MED26: variants seen among roughly 807,000 people sequenced by gnomAD.
The protein encoded by MED26 is mediator of RNA polymerase II transcription subunit 26.
Under a neutral mutation model 43.7 loss-of-function variants are expected in MED26, and 7 were observed. That is an observed-to-expected ratio of 0.16 (90% CI 0.09 to 0.30). The LOEUF is 0.30. Among genes scored for constraint, MED26 ranks in the 10% least tolerant of loss-of-function variants. The pLI is 1.00. For missense variants in MED26, 784 were observed against 840.6 expected, an observed-to-expected ratio of 0.93 and a Z score of 0.83; for synonymous variants, 375 against 371.1, an observed-to-expected ratio of 1.01 and a Z score of -0.12.
At chr19:16,617,766 C>G (rs1464857657) in intron 1 of MED26, among the ~76,000 whole-genome samples, 1 of 152,030 alleles carries the variant, frequency 6.6e-6, no homozygotes, top group Non-Finnish European at 1.5e-5. Context: ...TTCAGAGGCC[C>G]ACAAGTTCAG....
chr19:16,600,062 C>T (rs2086141269), intron 1 of MED26, among the ~76,000 whole-genome samples: 1 of 152,188 alleles, frequency 6.6e-6, no homozygotes, highest in African/African-American at 2.4e-5. Context: ...AGAGGGGGGA[C>T]AGGCAGTCAA....
At chr19:16,584,908 C>T (rs917583317) in intron 1 of MED26, among the ~76,000 whole-genome samples, 3 of 152,210 alleles carry the variant, frequency 2.0e-5, no homozygotes, top group Non-Finnish European at 4.4e-5. Flanking sequence ...GGACTGGCAG[C>T]CATCTAAAGG....
At chr19:16,585,714 G>C (rs1488642055) in intron 1 of MED26, among the ~76,000 whole-genome samples, 1 of 152,248 alleles carries the variant, frequency 6.6e-6, no homozygotes, top group Non-Finnish European at 1.5e-5. Context: ...GAGTCCGGAA[G>C]ACTAGACTCT....
At chr19:16,579,599 A>G (rs2086034084) in intron 1 of MED26, among the ~76,000 whole-genome samples, 1 of 151,906 alleles carries the variant, frequency 6.6e-6, no homozygotes, top group East Asian at 1.9e-4. Flanking sequence ...AATTCCTACC[A>G]CTCAACCACC....
chr19:16,620,042 T>G (rs1323199098), intron 1 of MED26, among the ~76,000 whole-genome samples: 7 of 152,076 alleles, frequency 4.6e-5, no homozygotes, highest in Non-Finnish European at 1.0e-4. Context: ...AGCGCCGCCT[T>G]CTCTATTAGG....
rs1159078820 is a variant in MED26 at position 16,582,289 on chromosome 19, A to G, written c.73-3880T>C. Among the ~76,000 whole-genome samples the G allele has an allele frequency of 4.0e-5, 6 of 150,466 alleles. No homozygotes were observed. In the East Asian group the frequency reaches 1.2e-3, roughly 29 times the overall value. On this transcript the variant is annotated intron_variant, in intron 1 of 2. Coordinates refer to ENST00000263390, the MANE Select transcript of MED26 (RefSeq NM_004831.5). ...GTCTGAACACTGTGTGGGGAGCACC[A>G]CCTGGGCATCCAGACACAGGCCTCC...
intron 1 of MED26, among the ~76,000 whole-genome samples, chr19:16,627,320 T>C (rs2086283495): frequency 6.6e-6 from 1 of 151,936 alleles, no homozygotes; most frequent in South Asian, 2.1e-4. Flanking sequence ...CCACGTACCC[T>C]AGGTACCCGG....
intron 1 of MED26, among the ~76,000 whole-genome samples, chr19:16,594,947 C>T (rs1001410620): frequency 1.3e-5 from 2 of 152,196 alleles, no homozygotes; most frequent in East Asian, 1.9e-4. Context: ...CAGCCTGCCT[C>T]GGCCTCACCT....
At chr19:16,591,949 C>A (rs1252101691) in intron 1 of MED26, among the ~76,000 whole-genome samples, 2 of 152,198 alleles carry the variant, frequency 1.3e-5, no homozygotes, top group African/African-American at 2.4e-5. Context: ...ACGGGCATCA[C>A]CAGGGAGCTG....
intron 1 of MED26, among the ~76,000 whole-genome samples, chr19:16,614,717 G>A (rs543457051): frequency 6.6e-6 from 1 of 152,262 alleles, no homozygotes; most frequent in Non-Finnish European, 1.5e-5. Flanking sequence ...CTCAGCGCCT[G>A]GGTGCAGACC....
At chr19:16,590,058 G>A (rs2086088683) in intron 1 of MED26, among the ~76,000 whole-genome samples, 1 of 152,268 alleles carries the variant, frequency 6.6e-6, no homozygotes, top group Non-Finnish European at 1.5e-5. Flanking sequence ...CCCTGGATGG[G>A]ACTGAGGAGG....
At chr19:16,625,058 T>A (rs1045329137) in intron 1 of MED26, among the ~76,000 whole-genome samples, 3 of 152,142 alleles carry the variant, frequency 2.0e-5, no homozygotes, top group African/African-American at 7.2e-5. Flanking sequence ...CACAATGCAG[T>A]GAGAGTAAGC....
At chr19:16,621,884 T>C (rs543057836) in intron 1 of MED26, among the ~76,000 whole-genome samples, 7 of 152,014 alleles carry the variant, frequency 4.6e-5, no homozygotes, top group Non-Finnish European at 1.0e-4. Context: ...ACACCCCAAA[T>C]ACTGAAAACC....
At chr19:16,601,284 T>C (rs375126306) in intron 1 of MED26, among the ~76,000 whole-genome samples, 1 of 151,736 alleles carries the variant, frequency 6.6e-6, no homozygotes, top group Non-Finnish European at 1.5e-5. Flanking sequence ...GCCTCCCGAG[T>C]AGCTGGGATT....
rs1260151828 is a variant in MED26, at chr19:16,575,738, CT to C, written c.*288del. 7 of 406,842 alleles carry C rather than the reference CT, an allele frequency of 1.7e-5. No homozygotes were observed. In the Admixed American group the frequency reaches 2.7e-4, roughly 16 times the overall value. 25.2% of individuals were successfully genotyped at this position (406,842 alleles called of 1,614,324 possible). A position where few individuals can be genotyped will look rare whatever the true frequency, so the allele number is the denominator to read the frequency against. The stretch of plus-strand genomic sequence containing the variant: ...CCTCTTTGGGGGTGAGGGACTAACG[CT>C]TTTTATAGCTGGTTTGCTATAGAGT... On this transcript the variant is annotated 3_prime_UTR_variant, in exon 3 of 3. Transcript: ENST00000263390.
At position 16,586,059 on chromosome 19, in the gene MED26, A is replaced by G. The variant is rs942090282; in HGVS notation, c.73-7650T>C. On this transcript the variant is annotated intron_variant, in intron 1 of 2. Coordinates refer to ENST00000263390, the MANE Select transcript of MED26 (RefSeq NM_004831.5). This position sits in a 1 kb window ranked among gnomAD's most constrained non-coding sequence, Gnocchi z 5.1. Reference sequence around the variant, plus strand: ...GCCTCTCCATTTTCTCCACATCTGAACTGTTCCCACCCCGCCTGAGATCCC... The same window carrying G: ...GCCTCTCCATTTTCTCCACATCTGAGCTGTTCCCACCCCGCCTGAGATCCC... 2.6e-5 allele frequency among the ~76,000 whole-genome samples: 4 copies of G among 152,146 alleles called. No individual in the cohort carries two copies. The highest frequency in any genetic ancestry group is 9.7e-5 in the African/African-American group (4 of 41,430).
At chr19:16,625,505 G>A (rs1364100094) in intron 1 of MED26, among the ~76,000 whole-genome samples, 3 of 151,088 alleles carry the variant, frequency 2.0e-5, no homozygotes, top group Admixed American at 6.6e-5. Flanking sequence ...TCTCAGAAGA[G>A]GTTTAATTTT....
chr19:16,602,150 A>G (rs1325037603), intron 1 of MED26, among the ~76,000 whole-genome samples: 1 of 152,216 alleles, frequency 6.6e-6, no homozygotes, highest in South Asian at 2.1e-4. Flanking sequence ...GAAAGTTCTG[A>G]GCACAGACTT....
intron 1 of MED26, among the ~76,000 whole-genome samples, chr19:16,601,643 G>C (rs1411945356): frequency 6.6e-6 from 1 of 152,222 alleles, no homozygotes; most frequent in Non-Finnish European, 1.5e-5. Flanking sequence ...GGGTGACAGA[G>C]GGAGTCTGCG....
Sources: gnomAD v4.1 joint callset for allele counts (sites outside exome capture counted in the v4.1 genomes callset) on GRCh38, gnomAD v4.1.1 for gene constraint, Gnocchi (gnomAD v3.1) non-coding constraint, MANE v1.5 for transcripts, NCBI Gene and HGNC (gene_info 2026-07-23, HGNC 2026-07-21) for gene names.